Variants in LRGUK observed in about 807,000 individuals in gnomAD.
The protein encoded by LRGUK is leucine-rich repeat and guanylate kinase domain-containing protein.
Under a neutral mutation model 76.0 loss-of-function variants are expected in LRGUK, and 65 were observed. That is an observed-to-expected ratio of 0.85 (90% CI 0.70 to 1.05). The LOEUF (loss-of-function observed/expected upper bound fraction) is 1.05. Ranked by LOEUF, LRGUK falls within the 50% of genes least tolerant of loss-of-function variation. The probability of loss-of-function intolerance (pLI) is 0.00; values close to 1 mark genes in which losing one functional copy is unlikely to be tolerated. For synonymous variants in LRGUK, 268 were observed against 265.6 expected (o/e 1.01, Z -0.09); for missense variants, 758 against 732.8 (o/e 1.03, Z -0.40).
chr7:134,258,592 G>A (rs1027283072), intron 19 of LRGUK, among the ~76,000 whole-genome samples, 187 bp downstream of exon 19: 6 of 151,770 alleles, frequency 4.0e-5, no homozygotes, highest in Non-Finnish European at 7.4e-5. Context: ...CCAGCTACTC[G>A]GGAGGCTGAG....
chr7:134,188,657 G>A (rs1800074745), intron 11 of LRGUK, among the ~76,000 whole-genome samples: 1 of 152,076 alleles, frequency 6.6e-6, no homozygotes, highest in African/African-American at 2.4e-5. Context: ...GCAAGCTATT[G>A]ACATATATTT....
chr7:134,158,466 TA>T (rs1798578889), intron 6 of LRGUK, among the ~76,000 whole-genome samples: 1 of 152,210 alleles, frequency 6.6e-6, no homozygotes, highest in African/African-American at 2.4e-5. Context: ...AGTATGTATT[TA>T]AAAATATTTT....
exon 16 of LRGUK, chr7:134,210,101 C>G (rs1429475626): frequency 5.0e-6 from 2 of 399,260 alleles, no homozygotes; most frequent in Non-Finnish European, 8.8e-6. Context: ...GCTCCCCAAC[C>G]AGAAAGGGAC....
chr7:134,267,634 C>G (rs1237992732), downstream of LRGUK, among the ~76,000 whole-genome samples: 1 of 152,144 alleles, frequency 6.6e-6, no homozygotes, highest in Non-Finnish European at 1.5e-5. Flanking sequence ...TTCTGTCTTG[C>G]CTGCTGCCAT....
chr7:134,238,637 T>G (rs964505591), intron 16 of LRGUK, among the ~76,000 whole-genome samples: 3 of 152,174 alleles, frequency 2.0e-5, no homozygotes, highest in Non-Finnish European at 2.9e-5. Flanking sequence ...CTTGATGTTT[T>G]GTGTCATTTT....
chr7:134,214,838 G>C (rs762584666), downstream of LRGUK, among the ~76,000 whole-genome samples: 5 of 150,858 alleles, frequency 3.3e-5, no homozygotes, highest in Non-Finnish European at 7.4e-5. Flanking sequence ...TCATGAGAAA[G>C]CAACAGCCTT....
At chr7:134,183,891 C>T (rs766604266) in intron 11 of LRGUK, 38 bp downstream of exon 11, 2 of 1,608,406 alleles carry the variant, frequency 1.2e-6, no homozygotes, top group Admixed American at 3.4e-5. Context: ...CTTGGAAATT[C>T]ATCCGAATTA....
At chr7:134,261,384 C>T (rs552005112) in intron 19 of LRGUK, among the ~76,000 whole-genome samples, 1 of 152,036 alleles carries the variant, frequency 6.6e-6, no homozygotes, top group Non-Finnish European at 1.5e-5. Flanking sequence ...CAAATTAGAT[C>T]ATTTCGTATC....
At chr7:134,258,395 G>C (rs777441587) in exon 19 of LRGUK, 16 of 1,613,666 alleles carry the variant, frequency 9.9e-6, no homozygotes, top group Non-Finnish European at 1.4e-5. Flanking sequence ...AGACCGAAGA[G>C]ACCCGGAAAG....
chr7:134,195,676 C>A (rs1800446968), intron 12 of LRGUK, among the ~76,000 whole-genome samples: 1 of 151,830 alleles, frequency 6.6e-6, no homozygotes, highest in Admixed American at 6.6e-5. Flanking sequence ...ATAATACTAA[C>A]CAGCAGATGC....
At chr7:134,143,535 T>C in intron 4 of LRGUK, among the ~76,000 whole-genome samples, 2 of 152,370 alleles carry the variant, frequency 1.3e-5, no homozygotes, top group Middle Eastern at 3.4e-3. Flanking sequence ...CATTTTATTG[T>C]GTATATTTCA....
At chr7:134,274,651 T>C in the LRGUK span, among the ~76,000 whole-genome samples, 4 of 152,308 alleles carry the variant, frequency 2.6e-5, no homozygotes, top group Admixed American at 1.3e-4. Flanking sequence ...GATGTTATGT[T>C]AATCAGCTCA....
At chr7:134,128,286 A>G (rs1002939764) in intron 1 of LRGUK, among the ~76,000 whole-genome samples, 2 of 152,222 alleles carry the variant, frequency 1.3e-5, no homozygotes, top group African/African-American at 4.8e-5. Context: ...ATATTTTAGG[A>G]TGTGGGGAAT....
chr7:134,149,057 C>A (rs1005450742), intron 5 of LRGUK, among the ~76,000 whole-genome samples: 1 of 145,768 alleles, frequency 6.9e-6, no homozygotes, highest in African/African-American at 2.6e-5. Flanking sequence ...ATGATAAGTT[C>A]TTTTTAAATA....
downstream of LRGUK, among the ~76,000 whole-genome samples, chr7:134,214,810 ACAC>A (rs1801393867): frequency 6.7e-6 from 1 of 149,996 alleles, no homozygotes; most frequent in African/African-American, 2.5e-5. Flanking sequence ...ACACACACAC[ACAC>A]ACTTTGAAGA....
chr7:134,176,618 G>C (rs912223164), intron 8 of LRGUK, among the ~76,000 whole-genome samples: 2 of 152,050 alleles, frequency 1.3e-5, no homozygotes, highest in African/African-American at 4.8e-5. Context: ...CTGATCTCGT[G>C]ATCTGCCTGC....
At chr7:134,156,784 A>G (rs17167518) in intron 5 of LRGUK, among the ~76,000 whole-genome samples, 19,731 of 152,208 alleles carry the variant, frequency 0.13, 1,619 homozygotes, top group East Asian at 0.33. Context: ...TTTAGGGCAG[A>G]AAGTAATGGA....
downstream of LRGUK, among the ~76,000 whole-genome samples, chr7:134,268,469 A>T (rs1802900278): frequency 6.6e-6 from 1 of 152,108 alleles, no homozygotes. Context: ...AGGAAATAGA[A>T]GAATTAGGTT....
intron 16 of LRGUK, among the ~76,000 whole-genome samples, chr7:134,224,020 C>T (rs914215805): frequency 6.6e-6 from 1 of 152,206 alleles, no homozygotes; most frequent in Non-Finnish European, 1.5e-5. Flanking sequence ...CATGAGGAAC[C>T]TATCACTCTT....
Sources: allele counts gnomAD v4.1 joint callset (sites outside exome capture counted in the v4.1 genomes callset), GRCh38; gene constraint gnomAD v4.1.1; transcripts MANE v1.5; gene names NCBI Gene and HGNC (gene_info 2026-07-23, HGNC 2026-07-21).